The following PRKG2 variants were observed in gnomAD, a reference collection of about 807,000 sequenced individuals.
PRKG2 encodes the protein protein kinase cGMP-dependent 2.
Under a neutral mutation model 97.2 loss-of-function variants are expected in PRKG2, and 33 were observed. The observed-to-expected ratio is 0.34, with a 90% CI of 0.26 to 0.45. The LOEUF (loss-of-function observed/expected upper bound fraction) is 0.45, where lower values mean the gene tolerates loss of function less well. Ranked by LOEUF, PRKG2 falls within the 20% of genes least tolerant of loss-of-function variation. The pLI is 1.00. For missense variants in PRKG2, 638 were observed against 900.0 expected, an observed-to-expected ratio of 0.71 and a Z score of 3.73; for synonymous variants, 330 against 321.8, an observed-to-expected ratio of 1.03 and a Z score of -0.27.
Position 81,098,170 on chromosome 4 carries a change from A to G in PRKG2, c.2127-5718T>C, listed in dbSNP as rs569494323. On this transcript the variant is annotated intron_variant, in intron 17 of 18. Coordinates refer to ENST00000264399, the MANE Select transcript of PRKG2 (RefSeq NM_006259.3). ...AGCAGGCAGAAAAATGTGAAAAGAG[A>G]GACTGGCCTAGCCTCCCAGTCTACA... Among the ~76,000 whole-genome samples, 20 of 152,186 alleles carry G rather than the reference A, an allele frequency of 1.3e-4. 1 individual carries two copies. In the East Asian group the frequency reaches 3.9e-3, roughly 29 times the overall value.
chr4:81,101,792 A>G (rs537327952), intron 17 of PRKG2, among the ~76,000 whole-genome samples: 22 of 152,218 alleles, frequency 1.4e-4, no homozygotes, highest in Admixed American at 3.9e-4. Context: ...CTAAGAAAAA[A>G]AAAGTTTTAC....
At chr4:81,124,482 G>T (rs1488371807) in intron 14 of PRKG2, among the ~76,000 whole-genome samples, 1 of 152,180 alleles carries the variant, frequency 6.6e-6, no homozygotes, top group African/African-American at 2.4e-5. Flanking sequence ...GCTAGTGTGT[G>T]ACTTTCAAGA....
chr4:81,136,178 A>T (rs1746677003), intron 13 of PRKG2, among the ~76,000 whole-genome samples: 1 of 152,178 alleles, frequency 6.6e-6, no homozygotes, highest in Admixed American at 6.5e-5. Context: ...CTCCCCATTC[A>T]AATCTGTCCA....
intron 17 of PRKG2, among the ~76,000 whole-genome samples, chr4:81,093,751 G>A (rs1741839014): frequency 1.3e-5 from 2 of 152,134 alleles, no homozygotes; most frequent in Non-Finnish European, 2.9e-5. Context: ...GGGCTGATCT[G>A]ATCTTCATAT....
intron 2 of PRKG2, among the ~76,000 whole-genome samples, chr4:81,188,201 C>G (rs1457310686): frequency 1.3e-5 from 2 of 150,776 alleles, no homozygotes; most frequent in Admixed American, 1.3e-4. Context: ...CCCCATCAAA[C>G]AGTGGGTGAA....
chr4:81,180,164 G>A (rs530118209), intron 2 of PRKG2, among the ~76,000 whole-genome samples: 48 of 151,752 alleles, frequency 3.2e-4, no homozygotes, highest in East Asian at 1.2e-3. Flanking sequence ...ATAAATAAAT[G>A]AATGAATGAA....
At chr4:81,190,467 A>C (rs1270025484) in intron 2 of PRKG2, among the ~76,000 whole-genome samples, 1 of 152,180 alleles carries the variant, frequency 6.6e-6, no homozygotes, top group East Asian at 1.9e-4. Context: ...ACTTAAATAT[A>C]AGACCTAAAA....
chr4:81,140,563 A>G lies in PRKG2; in HGVS notation c.1514T>C (p.Leu505Pro). ...QEHVYSEKRI[L>P]EELCSPFIVK... ...AATGAATGGAGAGCACAGCTCCTCT[A>G]GGATCCTCTTCTCTGAGTAGACATG... The change falls in exon 12 of 19, where the codon CTA becomes CCA. Residue 505 changes from leucine to proline, a missense_variant. Transcript: ENST00000264399. 1 of 1,609,878 alleles carries G rather than the reference A, an allele frequency of 6.2e-7. No homozygotes were observed. The highest frequency in any genetic ancestry group is 8.5e-7 in the Non-Finnish European group (1 of 1,177,190).
intron 9 of PRKG2, among the ~76,000 whole-genome samples, chr4:81,144,593 G>GTT (rs200913959): frequency 8.2e-4 from 108 of 131,188 alleles, no homozygotes; most frequent in African/African-American, 3.9e-3. Context: ...TGTATTTAAG[G>GTT]TTATATATAT....
chr4:81,188,754 T>A (rs1214846057), intron 2 of PRKG2, among the ~76,000 whole-genome samples: 1 of 114,068 alleles, frequency 8.8e-6, no homozygotes, highest in Admixed American at 8.5e-5. Flanking sequence ...ACCATCATTC[T>A]CAGTAAACTA....
At chr4:81,149,730 A>G (rs1748200115) in intron 8 of PRKG2, among the ~76,000 whole-genome samples, 1 of 152,176 alleles carries the variant, frequency 6.6e-6, no homozygotes, top group Non-Finnish European at 1.5e-5. Flanking sequence ...CACAAAAGGT[A>G]CATCCACAAG....
At chr4:81,110,171 T>C (rs1054708697) in intron 15 of PRKG2, among the ~76,000 whole-genome samples, 1 of 152,186 alleles carries the variant, frequency 6.6e-6, no homozygotes, top group Non-Finnish European at 1.5e-5. Flanking sequence ...TATTAAAGCC[T>C]TCATACTTAA....
At chr4:81,169,045 GT>G (rs1027316711) in intron 5 of PRKG2, among the ~76,000 whole-genome samples, 3 of 151,816 alleles carry the variant, frequency 2.0e-5, no homozygotes, top group Admixed American at 2.0e-4. Flanking sequence ...TGTGAGACTA[GT>G]TTTTTTCACT....
intron 17 of PRKG2, among the ~76,000 whole-genome samples, chr4:81,100,425 C>G (rs577788804): frequency 8.1e-4 from 123 of 152,300 alleles, no homozygotes; most frequent in African/African-American, 2.8e-3. Flanking sequence ...CTACAACCAT[C>G]TGATCTTTGA....
At chr4:81,211,934 T>C (rs922498445) in intron 1 of PRKG2, among the ~76,000 whole-genome samples, 4 of 152,310 alleles carry the variant, frequency 2.6e-5, no homozygotes, top group Middle Eastern at 3.4e-3. Context: ...GATAATATTC[T>C]AGGTGGATAG....
intron 2 of PRKG2, among the ~76,000 whole-genome samples, chr4:81,189,101 C>CAAAAAAAA (rs1752234685): frequency 1.7e-4 from 6 of 35,222 alleles, no homozygotes; most frequent in Admixed American, 2.6e-4. Context: ...AAGAAGCTAG[C>CAAAAAAAA]AATTGCACAA....
intron 6 of PRKG2, among the ~76,000 whole-genome samples, chr4:81,156,126 C>A (rs1749068496): frequency 6.6e-6 from 1 of 152,148 alleles, no homozygotes; most frequent in African/African-American, 2.4e-5. Flanking sequence ...TTAAAAGACA[C>A]AGACTGGCAA....
At position 81,189,966 on chromosome 4, in the gene PRKG2, T is replaced by C. The variant is rs368878452; in HGVS notation, c.461+14621A>G. On this transcript the variant is annotated intron_variant, in intron 2 of 18. Transcript: ENST00000264399. Reference sequence around the variant, plus strand: ...TGGAAAAACATTCCATGCTTATGGATAGGAAGAATCAGTATTGTGAAAATG... The same window carrying C: ...TGGAAAAACATTCCATGCTTATGGACAGGAAGAATCAGTATTGTGAAAATG... Among the ~76,000 whole-genome samples, 205 of 152,220 alleles carry C rather than the reference T, an allele frequency of 1.3e-3. 5 individuals carry two copies. In the South Asian group the frequency reaches 0.036, roughly 27 times the overall value.
intron 17 of PRKG2, among the ~76,000 whole-genome samples, chr4:81,093,670 A>C (rs943740302): frequency 2.6e-5 from 4 of 152,220 alleles, no homozygotes; most frequent in African/African-American, 4.8e-5. Context: ...AAAGTATTTT[A>C]CAGTAATCTG....
Sources: allele counts gnomAD v4.1 joint callset (sites outside exome capture counted in the v4.1 genomes callset), GRCh38; gene constraint gnomAD v4.1.1; transcripts MANE v1.5; gene names NCBI Gene and HGNC (gene_info 2026-07-23, HGNC 2026-07-21).